The following TMC8 variants were observed in gnomAD, a reference collection of about 807,000 sequenced individuals.
TMC8 encodes the protein transmembrane channel like 8.
In TMC8, 71 loss-of-function variants were observed where a neutral mutation model predicts 76.0. The observed-to-expected ratio is 0.93, with a 90% CI of 0.77 to 1.14. The LOEUF is 1.14. Ranked by LOEUF, TMC8 falls within the 50% of genes most tolerant of loss-of-function variation. TMC8 has a pLI of 0.00. For synonymous variants in TMC8, 433 were observed against 433.8 expected, an observed-to-expected ratio of 1.00 and a Z score of 0.02; for missense variants, 924 against 947.9, an observed-to-expected ratio of 0.97 and a Z score of 0.33.
chr17:78,131,688 ACGC>A lies in TMC8; in HGVS notation c.102_104del (p.Pro35del). The A allele has an allele frequency of 6.3e-7, 1 of 1,577,318 alleles. No homozygotes were observed. Among genetic ancestry groups the A allele is most frequent in the East Asian group, 2.3e-5 (1 of 43,176 alleles). ...GATGGAGCGGCTGCGCGGCTCTGGGACGCCCGTGCGCGGGCTGCCCTATGCCAT... is the reference window on the plus strand; with the variant it reads ...GATGGAGCGGCTGCGCGGCTCTGGGACCGTGCGCGGGCTGCCCTATGCCAT... On this transcript the variant is annotated inframe_deletion, in exon 2 of 16. Transcript: ENST00000318430.
intron 15 of TMC8, among the ~76,000 whole-genome samples, chr17:78,139,728 T>TAA (rs34917993): frequency 0.014 from 897 of 62,716 alleles, 18 homozygotes; most frequent in African/African-American, 0.039. Context: ...CGTCTCTACT[T>TAA]AAAAAAAAAA....
chr17:78,134,690 C>T, intron 8 of TMC8, 126 bp downstream of exon 8: 1 of 1,513,486 alleles, frequency 6.6e-7, no homozygotes, highest in South Asian at 1.2e-5. Context: ...CAGGTCACGG[C>T]CAAGGCAGGC....
chr17:78,134,528 C>T lies in TMC8; in HGVS notation c.951C>T (p.Ile317=). ...GLLVVGAISA[I]FWATKYSQDN... Reference sequence around the variant, plus strand: ...TGGTGGTTGGGGCCATCAGCGCCATCTTCTGGGCTACCAAGTACTCACAGG... The same window carrying T: ...TGGTGGTTGGGGCCATCAGCGCCATTTTCTGGGCTACCAAGTACTCACAGG... The change falls in exon 8 of 16, where the codon ATC becomes ATT. Residue 317 remains isoleucine (I), a synonymous_variant. Coordinates refer to ENST00000318430, the MANE Select transcript of TMC8 (RefSeq NM_152468.5). 1 of 1,614,146 alleles carries T rather than the reference C, an allele frequency of 6.2e-7. No individual in the cohort carries two copies. The highest frequency in any genetic ancestry group is 1.1e-5 in the South Asian group (1 of 91,086).
chr17:78,138,712 C>T lies in TMC8; in HGVS notation c.1803C>T (p.Phe601=). Residue 601 remains phenylalanine, a synonymous_variant, in exon 14 of 16, where the codon TTC becomes TTT. Coordinates refer to ENST00000318430, the MANE Select transcript of TMC8 (RefSeq NM_152468.5). ...ACCTGGGCTCCCACGCCTTCAGCTT[C>T]CCCCTCCTCATCATGCTCAGGTTCT... ...LHYLGSHAFS[F]PLLIMLSLVL... is the part of the protein sequence containing the mutation. 1 of 1,610,104 alleles carries T rather than the reference C, an allele frequency of 6.2e-7. No homozygotes were observed. The highest frequency in any genetic ancestry group is 8.5e-7 in the Non-Finnish European group (1 of 1,179,986).
chr17:78,137,895 G>A, intron 11 of TMC8, 81 bp downstream of exon 11: 4 of 1,596,130 alleles, frequency 2.5e-6, no homozygotes, highest in Non-Finnish European at 2.6e-6. Flanking sequence ...AGCCAAGGGT[G>A]AGCGGGTCCA....
At position 78,131,345 on chromosome 17, in the gene TMC8, C is replaced by A; in HGVS notation, c.-244C>A. The A allele has an allele frequency of 3.3e-6, 2 of 599,344 alleles. No individual in the cohort carries two copies. The allele number at this position is 599,344 out of a possible 1,614,324, so 37.1% of individuals were successfully genotyped here. Reference sequence around the variant, plus strand: ...GTTGGAGCGGGGCTGGGCCCGAATTCGACCGCAGCAGGATTCTCTCTCATT... The same window carrying A: ...GTTGGAGCGGGGCTGGGCCCGAATTAGACCGCAGCAGGATTCTCTCTCATT... On this transcript the variant is annotated 5_prime_UTR_variant, in exon 2 of 16. The change creates a premature stop within an existing upstream ORF in the 5' untranslated region. Transcript: ENST00000318430.
At chr17:78,136,176 C>T (rs2145685420) in intron 9 of TMC8, among the ~76,000 whole-genome samples, 1 of 152,220 alleles carries the variant, frequency 6.6e-6, no homozygotes, top group South Asian at 2.1e-4. Context: ...TTAGAGATAA[C>T]ACGCAACCAG....
intron 3 of TMC8, 96 bp from the exon 4 acceptor site, chr17:78,132,263 G>C (rs1303447726): frequency 6.7e-7 from 1 of 1,492,962 alleles, no homozygotes; most frequent in Admixed American, 1.8e-5. Context: ...AGCCTGGCGG[G>C]CACCCCACGC....
Position 78,132,048 on chromosome 17 carries a change from C to A in TMC8, c.298+18C>A. On this transcript the variant is annotated intron_variant, in intron 3 of 15. Transcript: ENST00000318430. Reference sequence around the variant, plus strand: ...GATCGGGGGTAGGACCCGCGCGACCCGCACCTCCCCTTGCCCTCTCTGGAG... The same window carrying A: ...GATCGGGGGTAGGACCCGCGCGACCAGCACCTCCCCTTGCCCTCTCTGGAG... 8.5e-6 allele frequency: 13 copies of A among 1,534,674 alleles called. No individual in the cohort carries two copies. The highest frequency in any genetic ancestry group is 1.1e-5 in the Non-Finnish European group (13 of 1,146,296).
At chr17:78,137,526 GGT>G in intron 10 of TMC8, 168 bp downstream of exon 10, 1 of 1,273,764 alleles carries the variant, frequency 7.9e-7, no homozygotes, top group Non-Finnish European at 1.1e-6. Context: ...GCTGCCACAT[GGT>G]GTAGTGTGGC....
chr17:78,132,531 G>T (rs572214532), intron 4 of TMC8, 23 bp downstream of exon 4: 8 of 1,601,416 alleles, frequency 5.0e-6, no homozygotes, highest in Non-Finnish European at 6.8e-6. Context: ...CCCACCAGGG[G>T]AAGTGCTCCG....
At chr17:78,139,119 T>C (rs775739915) in intron 14 of TMC8, 43 bp from the exon 15 acceptor site, 7 of 1,610,654 alleles carry the variant, frequency 4.3e-6, no homozygotes, top group South Asian at 3.3e-5. Flanking sequence ...GAGGCGCCTG[T>C]GGCCCCAGGG....
Position 78,133,446 on chromosome 17 carries a change from T to C in TMC8, c.572T>C (p.Val191Ala). 6.2e-7 allele frequency: 1 copy of C among 1,613,692 alleles called. No individual in the cohort carries two copies. Among genetic ancestry groups the C allele is most frequent in the Non-Finnish European group, 8.5e-7 (1 of 1,180,030 alleles). ...TATCTCTTCTACGGTGCGTACCGAG[T>C]GGGGCCGGAGAGCAGCTCCGTGTAC... ...NTYLFYGAYR[V>A]GPESSSVYSI... The change falls in exon 6 of 16, where the codon GTG (valine) becomes GCG (alanine). Residue 191 changes from valine (V) to alanine (A), a missense_variant. Transcript: ENST00000318430.
In TMC8 at chr17:78,134,991, T is replaced by G; in HGVS notation, c.1109T>G (p.Val370Gly). 2 of 1,613,970 alleles carry G rather than the reference T, an allele frequency of 1.2e-6. No homozygotes were observed. The highest frequency in any genetic ancestry group is 1.7e-6 in the Non-Finnish European group (2 of 1,179,960). The change falls in exon 9 of 16, where the codon GTC (valine) becomes GGC (glycine). Residue 370 changes from valine (V) to glycine (G), a missense_variant. Physicochemically the swap from Val to Gly is moderately radical, Grantham distance 109 (BLOSUM62 -3). Transcript: ENST00000318430. ...QLENYPPNTE[V>G]NLTLIWCVVL... ...GAGAACTACCCTCCCAACACGGAGG[T>G]CAACCTCACTCTGATCTGGTGAGTG...
In TMC8 at chr17:78,141,098, G is replaced by A. The variant is rs948340179; in HGVS notation, c.2167G>A (p.Gly723Ser). The change falls in exon 16 of 16, where the codon GGC becomes AGC. Residue 723 changes from glycine (G) to serine (S), a missense_variant. Gly to Ser is a moderately conservative substitution (Grantham distance 56). Transcript: ENST00000318430. The part of the protein sequence containing the change: ...ASARRFRFPS[G>S]AEL ...CGCCCGCAGATTCCGCTTCCCCAGCGGCGCGGAGCTGTAACCCCTACCCCT... is the reference window on the plus strand; with the variant it reads ...CGCCCGCAGATTCCGCTTCCCCAGCAGCGCGGAGCTGTAACCCCTACCCCT... 1 of 1,574,554 alleles carries A rather than the reference G, an allele frequency of 6.4e-7. No homozygotes were observed. Among genetic ancestry groups the A allele is most frequent in the African/African-American group, 1.3e-5 (1 of 74,096 alleles).
chr17:78,138,958 G>A (rs2075305875), intron 14 of TMC8: 1 of 1,538,046 alleles, frequency 6.5e-7, no homozygotes, highest in Admixed American at 2.0e-5. Flanking sequence ...CAGCTGCTGA[G>A]CTATTGGTAT....
chr17:78,136,922 A>C lies in TMC8; in HGVS notation c.1128-313A>C, dbSNP rs189309544. ...ACTCAAAATACAAAATTTAGTCAGA[A>C]ATCGCTTGAACCCAGGAGGCAGAGG... is the stretch of plus-strand genomic sequence containing the variant. On this transcript the variant is annotated intron_variant, in intron 9 of 15. Transcript: ENST00000318430. 1.4e-5 allele frequency: 5 copies of C among 368,676 alleles called. No individual in the cohort carries two copies. In the East Asian group the frequency reaches 3.4e-4, roughly 25 times the overall value. 22.8% of individuals were successfully genotyped at this position (368,676 alleles called of 1,614,324 possible). A position where few individuals can be genotyped will look rare whatever the true frequency, so the allele number is the denominator to read the frequency against.
In TMC8 at chr17:78,142,051, C is replaced by G. The variant is rs1197532281; in HGVS notation, c.*939C>G. The G allele has an allele frequency of 1.3e-5, 2 of 152,678 alleles. No homozygotes were observed. The highest frequency in any genetic ancestry group is 2.9e-5 in the Non-Finnish European group (2 of 68,402). The allele number at this position is 152,678 out of a possible 1,614,324, so 9.5% of individuals were successfully genotyped here. On this transcript the variant is annotated 3_prime_UTR_variant, in exon 16 of 16. Transcript: ENST00000318430. Reference sequence around the variant, plus strand: ...AGGCAGCTGGCCACAAGGGCAGGGCCCGGCCCCCCTCCCAAGGCTGTGTCT... The same window carrying G: ...AGGCAGCTGGCCACAAGGGCAGGGCGCGGCCCCCCTCCCAAGGCTGTGTCT...
intron 14 of TMC8, 23 bp from the exon 15 acceptor site, chr17:78,139,139 C>T (rs1283425055): frequency 1.9e-6 from 3 of 1,613,132 alleles, no homozygotes; most frequent in Non-Finnish European, 2.5e-6. Context: ...GGCAACTGAC[C>T]ACGAATCCCC....
Sources: gnomAD v4.1 joint callset for allele counts (sites outside exome capture counted in the v4.1 genomes callset) on GRCh38, gnomAD v4.1.1 for gene constraint, MANE v1.5 for transcripts, NCBI Gene and HGNC (gene_info 2026-07-23, HGNC 2026-07-21) for gene names.